ZFAT: variants seen among roughly 807,000 people sequenced by gnomAD.
ZFAT encodes zinc finger and AT-hook domain containing, also known as zinc finger protein ZFAT.
ZFAT carries 64 observed loss-of-function variants against 117.7 expected under a neutral mutation model. That is an observed-to-expected ratio of 0.54 (90% confidence interval 0.44 to 0.67). The LOEUF is 0.67. Among genes scored for constraint, ZFAT ranks in the 30% least tolerant of loss-of-function variants. ZFAT has a pLI of 0.00. For synonymous variants in ZFAT, 679 were observed against 615.0 expected (o/e 1.10, Z -1.54); for missense variants, 1,433 against 1,584.5 (o/e 0.90, Z 1.62).
At chr8:134,565,274 T>C in intron 11 of ZFAT, 59 bp downstream of exon 11, 1 of 1,608,544 alleles carries the variant, frequency 6.2e-7, no homozygotes, top group Non-Finnish European at 8.5e-7. Context: ...CCATCTTCAC[T>C]TTGAAAAGCA....
chr8:134,598,980 C>G (rs907605310), intron 7 of ZFAT: 8 of 152,224 alleles, frequency 5.3e-5, no homozygotes, highest in African/African-American at 1.9e-4. Context: ...TATTCAAAGG[C>G]TTCTCCCAAG....
chr8:134,572,796 C>T (rs1343504756), intron 10 of ZFAT, among the ~76,000 whole-genome samples: 2 of 141,142 alleles, frequency 1.4e-5, no homozygotes, highest in Non-Finnish European at 1.5e-5. Flanking sequence ...AATATTGCCA[C>T]GGTGGGGAAA....
At chr8:134,573,500 T>C (rs1042842516) in intron 10 of ZFAT, among the ~76,000 whole-genome samples, 8 of 152,276 alleles carry the variant, frequency 5.3e-5, no homozygotes, top group Middle Eastern at 3.4e-3. Context: ...CCTGGCCCTG[T>C]AGTTTTCAGT....
rs1391103422 is a variant in ZFAT, at chr8:134,500,875, T to C, written c.3492+8744A>G. Among the ~76,000 whole-genome samples the C allele has an allele frequency of 1.1e-4, 16 of 152,202 alleles. 1 individual carries two copies. Among genetic ancestry groups the C allele is most frequent in the Admixed American group, 7.9e-4 (12 of 15,286 alleles). On this transcript the variant is annotated intron_variant, in intron 15 of 15. Transcript: ENST00000377838. ...AACAGAAAGAACATTATATAAGGAA[T>C]GCCAAGTATGAGAACACTTTTAAGA...
chr8:134,629,644 T>G (rs959437128), intron 3 of ZFAT, among the ~76,000 whole-genome samples: 3 of 152,072 alleles, frequency 2.0e-5, no homozygotes, highest in African/African-American at 7.3e-5. Flanking sequence ...GTGAGGCACT[T>G]CCCCCTTCAT....
At chr8:134,622,440 G>A (rs988484653) in intron 3 of ZFAT, among the ~76,000 whole-genome samples, 19 of 152,192 alleles carry the variant, frequency 1.2e-4, no homozygotes, top group African/African-American at 2.2e-4. Flanking sequence ...TGCATGCCCC[G>A]CGGGGCTGAA....
At position 134,697,823 on chromosome 8, in the gene ZFAT, C is replaced by T. The variant is rs569643513; in HGVS notation, c.19+15022G>A. ...CTTAAATCCCTGGGCTCAAGTGATC[C>T]GCCTGCCTCGGCCTCCCAAAGCGCT... On this transcript the variant is annotated intron_variant, in intron 1 of 15. Transcript: ENST00000377838. Among the ~76,000 whole-genome samples, 434 of 150,076 alleles carry T rather than the reference C, an allele frequency of 2.9e-3. 1 individual carries two copies. The highest frequency in any genetic ancestry group is 0.01 in the African/African-American group (419 of 41,196).
chr8:134,668,780 A>C (rs1832393185), intron 1 of ZFAT, among the ~76,000 whole-genome samples: 1 of 152,240 alleles, frequency 6.6e-6, no homozygotes, highest in South Asian at 2.1e-4. Flanking sequence ...TGAGAGAAGG[A>C]GGCTTCAGAC....
intron 3 of ZFAT, among the ~76,000 whole-genome samples, chr8:134,635,598 TGTGAGACAGAAA>T (rs2131091968): frequency 6.6e-6 from 1 of 151,742 alleles, no homozygotes; most frequent in Non-Finnish European, 1.5e-5. Context: ...TATGTATGCA[TGTGAGACAGAAA>T]GAGAGACAGG....
chr8:134,816,413 T>C, the ZFAT span, among the ~76,000 whole-genome samples: 1 of 150,906 alleles, frequency 6.6e-6, no homozygotes, highest in African/African-American at 2.4e-5. Flanking sequence ...AACCAGAACA[T>C]GGCCCAGAAA....
At position 134,532,891 on chromosome 8, in the gene ZFAT, C is replaced by T. The variant is rs761993913; in HGVS notation, c.3058G>A (p.Glu1020Lys). 6.2e-6 allele frequency: 10 copies of T among 1,609,788 alleles called. No individual in the cohort carries two copies. The highest frequency in any genetic ancestry group is 6.8e-6 in the Non-Finnish European group (8 of 1,178,210). Residue 1020 changes from glutamate (E) to lysine (K), a missense_variant, in exon 12 of 16, where the codon GAG becomes AAG. Glu to Lys is a moderately conservative substitution (Grantham distance 56). Around this residue, in one of 5 missense-constraint regions of ZFAT, gnomAD observed 503 missense variants for 543.4 expected, o/e 0.93. Transcript: ENST00000377838. ...KRHYNRKHPN[E>K]EYANVGTGEL... Reference sequence around the variant, plus strand: ...CCGGTGCCCACGTTGGCATACTCCTCATTAGGGTGCTTCCTGTTGTAGTGC... The same window carrying T: ...CCGGTGCCCACGTTGGCATACTCCTTATTAGGGTGCTTCCTGTTGTAGTGC...
At chr8:134,565,263 T>C in intron 11 of ZFAT, 70 bp downstream of exon 11, 1 of 1,604,934 alleles carries the variant, frequency 6.2e-7, no homozygotes, top group Non-Finnish European at 8.5e-7. Flanking sequence ...GAATGCTCTC[T>C]CCATCTTCAC....
At chr8:134,622,858 C>T (rs1255368269) in intron 3 of ZFAT, among the ~76,000 whole-genome samples, 2 of 152,132 alleles carry the variant, frequency 1.3e-5, no homozygotes, top group Non-Finnish European at 2.9e-5. Context: ...CAGCTCTCTC[C>T]CTCGGTGTTC....
the ZFAT span, among the ~76,000 whole-genome samples, chr8:134,817,831 T>C: frequency 6.6e-6 from 1 of 152,110 alleles, no homozygotes; most frequent in African/African-American, 2.4e-5. Flanking sequence ...GATCAACAAA[T>C]ACCTCAATGG....
chr8:134,578,031 T>A (rs944811851), intron 10 of ZFAT, among the ~76,000 whole-genome samples: 11 of 142,442 alleles, frequency 7.7e-5, no homozygotes, highest in Non-Finnish European at 4.7e-5. Flanking sequence ...GAGGTATCCA[T>A]TCAGACAGGG....
At chr8:134,500,333 T>C (rs894406140) in intron 15 of ZFAT, among the ~76,000 whole-genome samples, 2 of 152,210 alleles carry the variant, frequency 1.3e-5, no homozygotes, top group African/African-American at 4.8e-5. Context: ...CTGTAGCTTC[T>C]TGGGGCATAA....
chr8:134,530,771 T>G (rs2130547957), intron 12 of ZFAT, among the ~76,000 whole-genome samples: 1 of 144,190 alleles, frequency 6.9e-6, no homozygotes, highest in South Asian at 2.4e-4. Flanking sequence ...AATAACAATA[T>G]AAAAATAAAA....
the ZFAT span, among the ~76,000 whole-genome samples, chr8:134,718,991 G>T: frequency 6.6e-6 from 1 of 152,150 alleles, no homozygotes; most frequent in Non-Finnish European, 1.5e-5. Context: ...AGTGAAAAGA[G>T]CCAGGTGCAG....
chr8:134,663,963 G>A (rs370742573), intron 1 of ZFAT, among the ~76,000 whole-genome samples: 14 of 152,246 alleles, frequency 9.2e-5, no homozygotes, highest in South Asian at 4.2e-4. Flanking sequence ...TGAGTCGCAC[G>A]CTGCAAATCA....
Sources: allele counts gnomAD v4.1 joint callset (sites outside exome capture counted in the v4.1 genomes callset), GRCh38; gene constraint gnomAD v4.1.1; regional missense constraint gnomAD v4.1.1; transcripts MANE v1.5; gene names NCBI Gene and HGNC (gene_info 2026-07-23, HGNC 2026-07-21).